TRHDE: variants seen among roughly 807,000 people sequenced by gnomAD.
TRHDE encodes the protein thyrotropin-releasing hormone-degrading ectoenzyme.
In TRHDE, 72 loss-of-function variants were observed where a neutral mutation model predicts 125.7. That is an observed-to-expected ratio of 0.57 (90% CI 0.47 to 0.70). TRHDE has a LOEUF of 0.70. Ranked by LOEUF, TRHDE falls within the 30% of genes least tolerant of loss-of-function variation. The pLI, the probability that TRHDE is intolerant of heterozygous loss-of-function variation, is 0.00. For missense variants in TRHDE, 1,110 were observed against 1,327.1 expected, an observed-to-expected ratio of 0.84 and a Z score of 2.54; for synonymous variants, 509 against 509.1, an observed-to-expected ratio of 1.00 and a Z score of 0.00.
At chr12:72,214,672 A>G (rs768418334) in intron 2 of TRHDE, among the ~76,000 whole-genome samples, 9 of 152,182 alleles carry the variant, frequency 5.9e-5, no homozygotes, top group Admixed American at 2.0e-4. Flanking sequence ...CAAACAAACA[A>G]AATCAATGAC....
At chr12:72,290,013 T>C (rs1240040323) in intron 2 of TRHDE, among the ~76,000 whole-genome samples, 1 of 152,236 alleles carries the variant, frequency 6.6e-6, no homozygotes, top group Non-Finnish European at 1.5e-5. Flanking sequence ...AATTCAATAA[T>C]TGTGGTTTAG....
rs532487695 is a variant in TRHDE, at chr12:72,571,816, A to G, written c.2131+3160A>G. Among the ~76,000 whole-genome samples the G allele has an allele frequency of 1.4e-4, 21 of 152,272 alleles. No homozygotes were observed. In the South Asian group the frequency reaches 3.9e-3, roughly 29 times the overall value. On this transcript the variant is annotated intron_variant, in intron 10 of 18. Transcript: ENST00000261180. The stretch of plus-strand genomic sequence containing the variant: ...TTCTTGAAGCACTGGTTTATTTGAG[A>G]TTCACAACCTTTCAAATGTGCATTA...
chr12:72,420,170 A>G (rs1592431475), intron 3 of TRHDE, among the ~76,000 whole-genome samples: 1 of 152,102 alleles, frequency 6.6e-6, no homozygotes, highest in Non-Finnish European at 1.5e-5. Flanking sequence ...AGGCCACCCC[A>G]TGTCTCTAAG....
At chr12:72,247,203 T>C (rs1878590962) in intron 2 of TRHDE, among the ~76,000 whole-genome samples, 1 of 152,204 alleles carries the variant, frequency 6.6e-6, no homozygotes, top group African/African-American at 2.4e-5. Context: ...GTAAATATTA[T>C]GTAAATAGTT....
At chr12:72,169,458 A>G (rs1038034283) in intron 2 of TRHDE, among the ~76,000 whole-genome samples, 16 of 152,122 alleles carry the variant, frequency 1.1e-4, no homozygotes, top group Admixed American at 1.0e-3. Flanking sequence ...GTGCTGTCAG[A>G]GTTGATTTCT....
chr12:72,124,188 C>T (rs988489402), intron 2 of TRHDE, among the ~76,000 whole-genome samples: 2 of 152,078 alleles, frequency 1.3e-5, no homozygotes, highest in East Asian at 3.8e-4. Context: ...TTCTTATAAG[C>T]CATATAATTA....
At chr12:72,612,203 T>C (rs1872657803) in intron 12 of TRHDE, among the ~76,000 whole-genome samples, 1 of 152,180 alleles carries the variant, frequency 6.6e-6, no homozygotes, top group Admixed American at 6.5e-5. Flanking sequence ...AGAATTCTTC[T>C]CCCTCTAGAA....
rs146683591 is a variant in TRHDE, at chr12:72,156,265, G to A, written n.279+50513G>A. 6.6e-3 allele frequency among the ~76,000 whole-genome samples: 1,007 copies of A among 152,334 alleles called. 8 individuals are homozygous for A. The highest frequency in any genetic ancestry group is 0.014 in the South Asian group (68 of 4,830). Reference sequence around the variant, plus strand: ...GGAAAAGCACAGTATTAGGGTGGGAGTGACCCAATTTTCCAGGTGACATCT... The same window carrying A: ...GGAAAAGCACAGTATTAGGGTGGGAATGACCCAATTTTCCAGGTGACATCT... On this transcript the variant is annotated intron_variant and non_coding_transcript_variant, in intron 2 of 4. Transcript: ENST00000548156.
chr12:72,588,736 A>G (rs1871546210), intron 12 of TRHDE, among the ~76,000 whole-genome samples: 1 of 152,168 alleles, frequency 6.6e-6, no homozygotes, highest in Admixed American at 6.5e-5. Context: ...TACTATGGCT[A>G]TTTACCTGGT....
At chr12:72,151,023 A>G (rs1036739157) in intron 2 of TRHDE, among the ~76,000 whole-genome samples, 1 of 152,126 alleles carries the variant, frequency 6.6e-6, no homozygotes, top group African/African-American at 2.4e-5. Flanking sequence ...CAACAGTGTA[A>G]AAGTGTTCCT....
intron 3 of TRHDE, among the ~76,000 whole-genome samples, chr12:72,455,586 T>C (rs1183048178): frequency 1.3e-5 from 2 of 152,142 alleles, no homozygotes; most frequent in African/African-American, 4.8e-5. Context: ...CAGTAACAAA[T>C]GGAAGTGTTG....
Position 72,286,623 on chromosome 12 carries a change from G to T in TRHDE, c.915-58G>T, listed in dbSNP as rs565659253. On this transcript the variant is annotated intron_variant, in intron 1 of 18. Transcript: ENST00000261180. Reference sequence around the variant, plus strand: ...TTTCATCAACAGAAGCATGTAATGTGGCCATAACTTAACTCACAACATAAA... The same window carrying T: ...TTTCATCAACAGAAGCATGTAATGTTGCCATAACTTAACTCACAACATAAA... The T allele has an allele frequency of 7.4e-6, 11 of 1,478,520 alleles. No homozygotes were observed. The South Asian group carries it at 1.3e-4, about 18-fold the overall frequency. 91.6% of individuals were successfully genotyped at this position (1,478,520 alleles called of 1,614,324 possible).
upstream of TRHDE, among the ~76,000 whole-genome samples, chr12:72,269,188 A>C (rs1300499078): frequency 6.6e-6 from 1 of 152,170 alleles, no homozygotes; most frequent in East Asian, 1.9e-4. Context: ...TATTTTACTA[A>C]AGTGCTTGCT....
intron 2 of TRHDE, among the ~76,000 whole-genome samples, chr12:72,185,190 C>T (rs1404652658): frequency 1.3e-5 from 2 of 152,226 alleles, no homozygotes; most frequent in Non-Finnish European, 2.9e-5. Flanking sequence ...AGCACCCGGG[C>T]CAGTGGCTCC....
intron 6 of TRHDE, among the ~76,000 whole-genome samples, chr12:72,530,690 C>T (rs1245254548): frequency 2.0e-5 from 3 of 151,702 alleles, no homozygotes; most frequent in Non-Finnish European, 4.4e-5. Context: ...CCTCAGTCAT[C>T]AACATGGCTT....
At chr12:72,124,235 A>G (rs1410343912) in intron 2 of TRHDE, among the ~76,000 whole-genome samples, 4 of 152,196 alleles carry the variant, frequency 2.6e-5, no homozygotes, top group Admixed American at 6.6e-5. Context: ...CTAATGTTCA[A>G]TGAATTTATT....
chr12:72,211,230 G>T (rs1351227032), intron 2 of TRHDE, among the ~76,000 whole-genome samples: 2 of 152,164 alleles, frequency 1.3e-5, no homozygotes, highest in African/African-American at 2.4e-5. Flanking sequence ...ACCATTCCCA[G>T]CTCTGTTGCA....
intron 15 of TRHDE, among the ~76,000 whole-genome samples, chr12:72,624,521 T>C (rs1873179295): frequency 6.6e-6 from 1 of 151,876 alleles, no homozygotes; most frequent in South Asian, 2.1e-4. Context: ...ATTGGGGATA[T>C]GGGTAAAATC....
chr12:72,250,837 G>T (rs867466244), intron 2 of TRHDE, among the ~76,000 whole-genome samples: 13 of 117,926 alleles, frequency 1.1e-4, no homozygotes, highest in Non-Finnish European at 2.0e-4. Context: ...ATGACTTACA[G>T]ATATATATAT....
Sources: allele counts gnomAD v4.1 joint callset (sites outside exome capture counted in the v4.1 genomes callset), GRCh38; gene constraint gnomAD v4.1.1; transcripts MANE v1.5; gene names NCBI Gene and HGNC (gene_info 2026-07-23, HGNC 2026-07-21).